The following AVL9 variants were observed in gnomAD, a reference collection of about 807,000 sequenced individuals.
AVL9 encodes the protein AVL9 cell migration associated, also known as late secretory pathway protein AVL9 homolog.
A neutral mutation model predicts 79.2 loss-of-function variants in AVL9; 49 were observed. That is an observed-to-expected ratio of 0.62 (90% CI 0.49 to 0.79). The LOEUF is 0.79. AVL9 is among the 30% of genes least tolerant of loss of function. The pLI is 0.00. For synonymous variants in AVL9, 299 were observed against 280.6 expected, an observed-to-expected ratio of 1.07 and a Z score of -0.65; for missense variants, 682 against 776.8, an observed-to-expected ratio of 0.88 and a Z score of 1.45.
chr7:32,503,347 T>G (rs1319148935), intron 1 of AVL9, among the ~76,000 whole-genome samples: 95 of 74,334 alleles, frequency 1.3e-3, no homozygotes, highest in East Asian at 3.7e-3. Flanking sequence ...TATATATAGA[T>G]ATAGATATAG....
chr7:32,550,682 A>G (rs968335316), intron 4 of AVL9, among the ~76,000 whole-genome samples: 1 of 152,198 alleles, frequency 6.6e-6, no homozygotes, highest in South Asian at 2.1e-4. Context: ...AAAATGGTAG[A>G]AGATTCTAAA....
Position 32,583,871 on chromosome 7 carries a change from C to G in AVL9, c.1911C>G (p.Ser637=). 2 of 1,614,088 alleles carry G rather than the reference C, an allele frequency of 1.2e-6. No individual in the cohort carries two copies. Among genetic ancestry groups the G allele is most frequent in the Non-Finnish European group, 8.5e-7 (1 of 1,179,988 alleles). ...SWLSTFTTST[S]QSLTEPPDEK... The stretch of plus-strand genomic sequence containing the variant: ...TTTCCACTTTCACCACTTCCACCTC[C>G]CAAAGTCTCACTGAGCCACCAGATG... The change falls in exon 16 of 16, where the codon TCC becomes TCG. Residue 637 remains serine (S), a synonymous_variant. Coordinates refer to ENST00000318709, the MANE Select transcript of AVL9 (RefSeq NM_015060.3).
At chr7:32,579,425 ATAATATAT>A (rs1791280963) in intron 13 of AVL9, among the ~76,000 whole-genome samples, 1 of 5,172 alleles carries the variant, frequency 1.9e-4, no homozygotes, top group African/African-American at 1.4e-3. Flanking sequence ...TGTTATATAT[ATAATATAT>A]ATATTATATA....
At chr7:32,546,229 G>A in intron 3 of AVL9, among the ~76,000 whole-genome samples, 1 of 152,072 alleles carries the variant, frequency 6.6e-6, no homozygotes, top group East Asian at 1.9e-4. Context: ...TTTCAAATAT[G>A]CAGGTAAATT....
chr7:32,552,511 G>A (rs186921581), intron 6 of AVL9, among the ~76,000 whole-genome samples: 1 of 150,880 alleles, frequency 6.6e-6, no homozygotes, highest in African/African-American at 2.4e-5. Context: ...AACGTACAAG[G>A]TGAATTTCTG....
intron 1 of AVL9, among the ~76,000 whole-genome samples, chr7:32,498,126 CA>C (rs1462976336): frequency 6.6e-6 from 1 of 152,036 alleles, no homozygotes; most frequent in African/African-American, 2.4e-5. Flanking sequence ...ACATGGACCT[CA>C]AAGTAAAAGC....
At chr7:32,505,031 G>A (rs1019579625) in intron 1 of AVL9, among the ~76,000 whole-genome samples, 2 of 151,554 alleles carry the variant, frequency 1.3e-5, no homozygotes, top group African/African-American at 4.8e-5. Context: ...ATGCCACCAT[G>A]CCCCGCTAAT....
rs1253517986 is a variant in AVL9 at position 32,587,043 on chromosome 7, C to T, written c.*3136C>T. ...TCTCGTCCACTTTCCTGTTAAGAAA[C>T]ACAGCAGCAATATACTTTGGCAGCA... is the stretch of plus-strand genomic sequence containing the variant. On this transcript the variant is annotated 3_prime_UTR_variant, in exon 16 of 16. Transcript: ENST00000318709. The T allele has an allele frequency of 6.6e-6, 1 of 152,242 alleles. No individual in the cohort carries two copies. Among genetic ancestry groups the T allele is most frequent in the African/African-American group, 2.4e-5 (1 of 41,456 alleles). 9.4% of individuals were successfully genotyped at this position (152,242 alleles called of 1,614,324 possible).
At chr7:32,526,357 G>T (rs1788399328) in intron 1 of AVL9, among the ~76,000 whole-genome samples, 1 of 152,152 alleles carries the variant, frequency 6.6e-6, no homozygotes, top group South Asian at 2.1e-4. Flanking sequence ...GTCGTCCAAG[G>T]CTCCAGTTCA....
Position 32,588,465 on chromosome 7 carries a change from T to G in AVL9, c.*4558T>G, listed in dbSNP as rs1791891156. 1.3e-5 allele frequency: 2 copies of G among 152,192 alleles called. No individual in the cohort carries two copies. Among genetic ancestry groups the G allele is most frequent in the Non-Finnish European group, 2.9e-5 (2 of 68,032 alleles). 9.4% of individuals were successfully genotyped at this position (152,192 alleles called of 1,614,324 possible). ...GATTAAAGGCTTTTCACAAACCTTT[T>G]TAAAGAAAATTTAGCTGAGAAAACT... is the stretch of plus-strand genomic sequence containing the variant. On this transcript the variant is annotated 3_prime_UTR_variant, in exon 16 of 16. Transcript: ENST00000318709.
chr7:32,553,086 A>G (rs1349721728), intron 6 of AVL9, among the ~76,000 whole-genome samples: 1 of 152,182 alleles, frequency 6.6e-6, no homozygotes, highest in Non-Finnish European at 1.5e-5. Context: ...GCAGTTGCCA[A>G]TTGTGGTAGT....
At chr7:32,581,013 A>G in intron 15 of AVL9, 123 bp downstream of exon 15, 1 of 798,240 alleles carries the variant, frequency 1.3e-6, no homozygotes, top group Non-Finnish European at 2.0e-6. Flanking sequence ...TAGTAATACA[A>G]GAGTTTTTTA....
intron 1 of AVL9, among the ~76,000 whole-genome samples, chr7:32,497,238 C>G (rs138073036): frequency 3.9e-4 from 60 of 152,298 alleles, no homozygotes; most frequent in African/African-American, 1.4e-3. Flanking sequence ...GCCTGTGATC[C>G]CAGCTACTTG....
intron 1 of AVL9, among the ~76,000 whole-genome samples, chr7:32,504,985 T>G (rs1787342547): frequency 6.6e-6 from 1 of 152,036 alleles, no homozygotes; most frequent in African/African-American, 2.4e-5. Context: ...GCGATTCTCC[T>G]GCCTTAGCCT....
chr7:32,519,429 A>G (rs79633840), intron 1 of AVL9, among the ~76,000 whole-genome samples: 3 of 142,522 alleles, frequency 2.1e-5, no homozygotes, highest in Non-Finnish European at 4.5e-5. Flanking sequence ...CTCTGTCCCA[A>G]AAAAAAAAAA....
intron 15 of AVL9, chr7:32,581,537 A>G (rs1791509425): frequency 6.6e-6 from 1 of 152,272 alleles, no homozygotes; most frequent in Admixed American, 6.5e-5. Flanking sequence ...CCTATTATCT[A>G]TTAAAGAAAT....
intron 13 of AVL9, 74 bp downstream of exon 13, chr7:32,576,146 T>C (rs928004333): frequency 3.3e-5 from 34 of 1,018,166 alleles, no homozygotes; most frequent in African/African-American, 4.8e-5. Flanking sequence ...GAAAAATCTA[T>C]TTTAACTTTG....
intron 2 of AVL9, 71 bp from the exon 3 acceptor site, chr7:32,544,623 G>T: frequency 9.6e-7 from 1 of 1,039,922 alleles, no homozygotes; most frequent in Non-Finnish European, 1.4e-6. Flanking sequence ...CATTATGATA[G>T]CTTCAGATTA....
intron 14 of AVL9, among the ~76,000 whole-genome samples, 196 bp downstream of exon 14, chr7:32,580,468 T>C (rs1235816354): frequency 1.3e-5 from 2 of 152,216 alleles, no homozygotes; most frequent in African/African-American, 4.8e-5. Flanking sequence ...TACAGGATGG[T>C]GTGAACTAAT....
Sources: gnomAD v4.1 joint callset for allele counts (sites outside exome capture counted in the v4.1 genomes callset) on GRCh38, gnomAD v4.1.1 for gene constraint, MANE v1.5 for transcripts, NCBI Gene and HGNC (gene_info 2026-07-23, HGNC 2026-07-21) for gene names.